COL8A2: variants seen among roughly 807,000 people sequenced by gnomAD.
The protein encoded by COL8A2 is collagen type VIII alpha 2 chain, also known as collagen alpha-2(VIII) chain.
Under a neutral mutation model 24.0 loss-of-function variants are expected in COL8A2, and 16 were observed. The observed-to-expected ratio is 0.67, with a 90% CI of 0.45 to 1.01. The LOEUF (loss-of-function observed/expected upper bound fraction) is 1.01, where lower values mean the gene tolerates loss of function less well. COL8A2 is among the 50% of genes least tolerant of loss of function. The pLI is 0.00. For synonymous variants in COL8A2, 466 were observed against 424.5 expected, an observed-to-expected ratio of 1.10 and a Z score of -1.20; for missense variants, 818 against 942.4, an observed-to-expected ratio of 0.87 and a Z score of 1.73.
chr1:36,113,224 A>G (rs1643863600), intron 2 of COL8A2, among the ~76,000 whole-genome samples: 1 of 152,146 alleles, frequency 6.6e-6, no homozygotes, highest in Non-Finnish European at 1.5e-5. Context: ...GCTGTGTGTC[A>G]CTGAACCCAG....
chr1:36,100,127 G>C lies in COL8A2; in HGVS notation c.116C>G (p.Ala39Gly). The C allele has an allele frequency of 6.2e-7, 1 of 1,612,882 alleles. No individual in the cohort carries two copies. The highest frequency in any genetic ancestry group is 8.5e-7 in the Non-Finnish European group (1 of 1,179,576). ...CATGGGCTGGATGTACTTCACTGGG[G>C]CATAGCCCGCCGCCCCACCGGCCCC... ...GGGAGGAAGY[A>G]PVKYIQPMQK... Residue 39 changes from alanine to glycine, a missense_variant, in exon 3 of 4, where the codon GCC (alanine) becomes GGC (glycine). By Grantham distance (60) the Ala-to-Gly change is moderately conservative. Coordinates refer to ENST00000397799, the MANE Select transcript of COL8A2 (RefSeq NM_005202.4).
chr1:36,100,652 A>G (rs1643665384), intron 2 of COL8A2, among the ~76,000 whole-genome samples: 1 of 152,182 alleles, frequency 6.6e-6, no homozygotes, highest in Admixed American at 6.6e-5. Flanking sequence ...TCTGCCAGGC[A>G]CTAGGCTGAG....
chr1:36,108,018 T>C (rs1237965957), intron 2 of COL8A2, among the ~76,000 whole-genome samples: 1 of 152,194 alleles, frequency 6.6e-6, no homozygotes. Flanking sequence ...AGGGCTTGGC[T>C]GGCACACAGT....
In COL8A2 at chr1:36,098,409, C is replaced by G; in HGVS notation, c.1272G>C (p.Gly424=). ...CCGTGAAACCCGGCTCACCCTTGGG[C>G]CCAGTTGGTCCAGGGGGTCCATGGG... ...PGAHGPPGPT[G]PKGEPGFTGR... Residue 424 remains glycine (G), a synonymous_variant, in exon 4 of 4, where the codon GGG becomes GGC. Coordinates refer to ENST00000397799, the MANE Select transcript of COL8A2 (RefSeq NM_005202.4). 1.3e-6 allele frequency: 2 copies of G among 1,579,378 alleles called. No homozygotes were observed. Among genetic ancestry groups the G allele is most frequent in the South Asian group, 2.3e-5 (2 of 86,496 alleles).
At chr1:36,113,515 G>A (rs1361262423) in intron 2 of COL8A2, among the ~76,000 whole-genome samples, 2 of 152,256 alleles carry the variant, frequency 1.3e-5, no homozygotes, top group African/African-American at 2.4e-5. Flanking sequence ...TGCCTGAGCA[G>A]CTCCGCGAGG....
rs139330748 is a variant in COL8A2 at position 36,100,887 on chromosome 1, C to CTTTTT, written c.-16-634_-16-630dup. ...ATGGCGCTTAGCATAGCATTCAAGG[C>CTTTTT]TTTTTTTTTTTTTTTTTTTTTTTTT... On this transcript the variant is annotated intron_variant, in intron 2 of 3. Coordinates refer to ENST00000397799, the MANE Select transcript of COL8A2 (RefSeq NM_005202.4). 6.8e-4 allele frequency among the ~76,000 whole-genome samples: 34 copies of CTTTTT among 50,164 alleles called. 8 individuals are homozygous for CTTTTT. In the East Asian group the frequency reaches 0.032, roughly 48 times the overall value. 32.9% of individuals were successfully genotyped at this position (50,164 alleles called of 152,430 possible). A position where few individuals can be genotyped will look rare whatever the true frequency, so the allele number is the denominator to read the frequency against.
intron 2 of COL8A2, among the ~76,000 whole-genome samples, chr1:36,112,983 A>G (rs760184345): frequency 2.6e-5 from 4 of 152,214 alleles, no homozygotes; most frequent in Admixed American, 1.3e-4. Context: ...TTATTCTGCA[A>G]TTCACATGGC....
rs1188732681 is a variant in COL8A2, at chr1:36,099,177, G to T, written c.504C>A (p.Gly168=). ...CACCTGGTTTTCCAGGGATAGTAAT[G>T]CCTGAGGGGCCCGGGAGGCCAGGGG... is the stretch of plus-strand genomic sequence containing the variant. The part of the protein sequence containing the change: ...PGPPGLPGPS[G]ITIPGKPGAQ... The change falls in exon 4 of 4, where the codon GGC becomes GGA. Residue 168 remains glycine, a synonymous_variant. Coordinates refer to ENST00000397799, the MANE Select transcript of COL8A2 (RefSeq NM_005202.4). 3.3e-6 allele frequency: 5 copies of T among 1,506,734 alleles called. No homozygotes were observed. In the East Asian group the frequency reaches 1.2e-4, roughly 37 times the overall value. 93.3% of individuals were successfully genotyped at this position (1,506,734 alleles called of 1,614,324 possible). A position where few individuals can be genotyped will look rare whatever the true frequency, so the allele number is the denominator to read the frequency against.
chr1:36,122,750 T>C (rs79671292), intron 1 of COL8A2, among the ~76,000 whole-genome samples: 6,481 of 152,170 alleles, frequency 0.043, 193 homozygotes, highest in Non-Finnish European at 0.061. Flanking sequence ...AGATCCCCCC[T>C]TCATCCTTGT....
Position 36,096,073 on chromosome 1 carries a change from C to T in COL8A2, c.*1496G>A, listed in dbSNP as rs189117205. On this transcript the variant is annotated 3_prime_UTR_variant, in exon 4 of 4. Coordinates refer to ENST00000397799, the MANE Select transcript of COL8A2 (RefSeq NM_005202.4). ...CATGGACCGCCTGGACACAGCCAGA[C>T]TTGGAGCAGTGCAACGAGATCACAG... 5.9e-5 allele frequency: 9 copies of T among 151,974 alleles called. No homozygotes were observed. The highest frequency in any genetic ancestry group is 2.2e-4 in the African/African-American group (9 of 41,492). 9.4% of individuals were successfully genotyped at this position (151,974 alleles called of 1,614,324 possible).
intron 2 of COL8A2, among the ~76,000 whole-genome samples, chr1:36,104,540 G>A (rs1339558781): frequency 6.6e-6 from 1 of 150,824 alleles, no homozygotes; most frequent in Admixed American, 6.6e-5. Flanking sequence ...GGACGCGGTG[G>A]CTCACACCTG....
chr1:36,098,553 C>T lies in COL8A2; in HGVS notation c.1128G>A (p.Gly376=), dbSNP rs760623325. The change falls in exon 4 of 4, where the codon GGG becomes GGA. Residue 376 remains glycine, a synonymous_variant. Coordinates refer to ENST00000397799, the MANE Select transcript of COL8A2 (RefSeq NM_005202.4). ...CTCCAGGCCCTGCCTCACCCTTAGG[C>T]CCAGGGGGCCCACGTCTGCCAGGAA... ...AGLPGRRGPP[G]PKGEAGPGGP... is the part of the protein sequence containing the mutation. 3 of 1,602,640 alleles carry T rather than the reference C, an allele frequency of 1.9e-6. No individual in the cohort carries two copies. Among genetic ancestry groups the T allele is most frequent in the Non-Finnish European group, 2.6e-6 (3 of 1,175,624 alleles).
rs1425029778 is a variant in COL8A2 at position 36,125,020 on chromosome 1, C to G, written c.-62+37G>C. 10 of 903,228 alleles carry G rather than the reference C, an allele frequency of 1.1e-5. No homozygotes were observed. Among genetic ancestry groups the G allele is most frequent in the Non-Finnish European group, 1.2e-5 (9 of 754,970 alleles). 56.0% of individuals were successfully genotyped at this position (903,228 alleles called of 1,614,324 possible). A position where few individuals can be genotyped will look rare whatever the true frequency, so the allele number is the denominator to read the frequency against. Reference sequence around the variant, plus strand: ...GCCCAGGTCTTGCCCTCGGAGCCCCCCAGCCCGAGCCCCGGTGCCCGCCTC... The same window carrying G: ...GCCCAGGTCTTGCCCTCGGAGCCCCGCAGCCCGAGCCCCGGTGCCCGCCTC... On this transcript the variant is annotated intron_variant, in intron 1 of 3. Coordinates refer to ENST00000397799, the MANE Select transcript of COL8A2 (RefSeq NM_005202.4). This position sits in a 1 kb window ranked among gnomAD's most constrained non-coding sequence, Gnocchi z 4.5.
intron 2 of COL8A2, among the ~76,000 whole-genome samples, chr1:36,106,507 G>A (rs1467827679): frequency 1.3e-5 from 2 of 152,162 alleles, no homozygotes; most frequent in Non-Finnish European, 2.9e-5. Flanking sequence ...AGGGGGATGG[G>A]GGAGCAGATG....
rs1643573761 is a variant in COL8A2, at chr1:36,096,853, CAG to C, written c.*714_*715del. ...GCTGGCGGGGGCAGCCCGGGAGAGA[CAG>C]GGATGAACGTGAAGAGCTGCCTCCT... On this transcript the variant is annotated 3_prime_UTR_variant, in exon 4 of 4. Transcript: ENST00000397799. 1 of 152,522 alleles carries C rather than the reference CAG, an allele frequency of 6.6e-6. No individual in the cohort carries two copies. Among genetic ancestry groups the C allele is most frequent in the Admixed American group, 6.5e-5 (1 of 15,304 alleles). The allele number at this position is 152,522 out of a possible 1,614,324, so 9.4% of individuals were successfully genotyped here. A position where few individuals can be genotyped will look rare whatever the true frequency, so the allele number is the denominator to read the frequency against.
chr1:36,108,376 G>A (rs1020756341), intron 2 of COL8A2, among the ~76,000 whole-genome samples: 3 of 152,222 alleles, frequency 2.0e-5, no homozygotes, highest in South Asian at 2.1e-4. Flanking sequence ...CTCTGCCCAC[G>A]ACTGGCTGTG....
chr1:36,104,374 C>G (rs1342282917), intron 2 of COL8A2, among the ~76,000 whole-genome samples: 1 of 151,914 alleles, frequency 6.6e-6, no homozygotes, highest in Middle Eastern at 3.2e-3. Flanking sequence ...CACCTGTAGT[C>G]CCAGCTACTC....
At chr1:36,110,267 T>TTA (rs371514007) in intron 2 of COL8A2, among the ~76,000 whole-genome samples, 2 of 137,836 alleles carry the variant, frequency 1.5e-5, no homozygotes, top group Non-Finnish European at 3.1e-5. Context: ...TGCTCTCATT[T>TTA]AAAAAAAAAA....
intron 2 of COL8A2, 117 bp from the exon 3 acceptor site, chr1:36,100,375 G>A: frequency 3.1e-6 from 3 of 960,296 alleles, no homozygotes; most frequent in Non-Finnish European, 4.7e-6. Flanking sequence ...TCAAAAGGCT[G>A]AGAAGCAATT....
Sources: gnomAD v4.1 joint callset for allele counts (sites outside exome capture counted in the v4.1 genomes callset) on GRCh38, gnomAD v4.1.1 for gene constraint, Gnocchi (gnomAD v3.1) non-coding constraint, MANE v1.5 for transcripts, NCBI Gene and HGNC (gene_info 2026-07-23, HGNC 2026-07-21) for gene names.